Variants in GPC5 observed in about 807,000 individuals in gnomAD.
GPC5 encodes glypican 5.
In GPC5, 47 loss-of-function variants were observed where a neutral mutation model predicts 53.9. The ratio of observed to expected loss-of-function variants is 0.87; its 90% CI spans 0.69 to 1.11. The LOEUF (loss-of-function observed/expected upper bound fraction) is 1.11. Ranked by LOEUF, GPC5 falls within the 50% of genes most tolerant of loss-of-function variation. The pLI is 0.00. For missense variants in GPC5, 748 were observed against 713.1 expected (o/e 1.05, Z -0.56); for synonymous variants, 286 against 263.3 (o/e 1.09, Z -0.84).
chr13:91,595,297 A>G (rs2032955530), intron 2 of GPC5, among the ~76,000 whole-genome samples: 1 of 152,128 alleles, frequency 6.6e-6, no homozygotes, highest in South Asian at 2.1e-4. Flanking sequence ...TACAGGCGTG[A>G]GGCACCGTGC....
At chr13:92,167,392 A>T (rs2042039401) in intron 7 of GPC5, among the ~76,000 whole-genome samples, 1 of 152,206 alleles carries the variant, frequency 6.6e-6, no homozygotes, top group Non-Finnish European at 1.5e-5. Flanking sequence ...AATGATATAA[A>T]ACTTCAGATT....
chr13:91,849,475 T>C (rs1723903799), intron 5 of GPC5, among the ~76,000 whole-genome samples: 1 of 151,292 alleles, frequency 6.6e-6, no homozygotes, highest in African/African-American at 2.4e-5. Context: ...TTTTCATATC[T>C]AGCCAAATTC....
chr13:91,399,220 A>G lies in GPC5; in HGVS notation c.163+11A>G, dbSNP rs776463356. 2 of 1,610,158 alleles carry G rather than the reference A, an allele frequency of 1.2e-6. No individual in the cohort carries two copies. Among genetic ancestry groups the G allele is most frequent in the Non-Finnish European group, 1.7e-6 (2 of 1,178,992 alleles). ...ATTCGCCGCGGGCAGGTAAGGGGCA[A>G]TGAGGGGGTCTCTGGACTGGCGGCG... On this transcript the variant is annotated intron_variant, in intron 1 of 7. Transcript: ENST00000377067.
chr13:91,725,627 G>A (rs978608636), intron 3 of GPC5, among the ~76,000 whole-genome samples: 7 of 152,120 alleles, frequency 4.6e-5, no homozygotes, highest in Non-Finnish European at 7.3e-5. Context: ...TATGGCTAGA[G>A]CATTTTCTTT....
intron 4 of GPC5, among the ~76,000 whole-genome samples, chr13:91,747,171 T>C (rs186764475): frequency 2.7e-4 from 41 of 152,350 alleles, no homozygotes; most frequent in Non-Finnish European, 5.0e-4. Context: ...TAAACATGAT[T>C]AAAGTCAATT....
chr13:92,629,805 A>C (rs1052606694), intron 7 of GPC5, among the ~76,000 whole-genome samples: 3 of 152,166 alleles, frequency 2.0e-5, no homozygotes, highest in African/African-American at 7.2e-5. Flanking sequence ...AGTACAAAAA[A>C]AAATCAATAG....
intron 5 of GPC5, among the ~76,000 whole-genome samples, chr13:91,815,950 A>C (rs79242415): frequency 4.6e-5 from 7 of 152,034 alleles, no homozygotes; most frequent in Non-Finnish European, 8.8e-5. Context: ...AATACTGTAC[A>C]TGTTGATATA....
rs189823700 is a variant in GPC5, at chr13:91,780,922, A to G, written c.1280+24502A>G. Among the ~76,000 whole-genome samples, 848 of 152,334 alleles carry G rather than the reference A, an allele frequency of 5.6e-3. 8 individuals are homozygous for G. Among genetic ancestry groups the G allele is most frequent in the South Asian group, 0.015 (74 of 4,828 alleles). ...GTTCACATGTAGCCCCCCACTCCCT[A>G]TAATCTACTATTCCCACATTTAAAG... On this transcript the variant is annotated intron_variant, in intron 5 of 7. Coordinates refer to ENST00000377067, the MANE Select transcript of GPC5 (RefSeq NM_004466.6).
intron 2 of GPC5, among the ~76,000 whole-genome samples, chr13:91,674,378 T>TATATATATATATACACACACAC (rs1459406975): frequency 5.6e-5 from 8 of 142,338 alleles, no homozygotes; most frequent in African/African-American, 2.3e-4. Context: ...ACTAACTCAT[T>TATATATATATATACACACACAC]ATATATATAT....
chr13:91,906,687 C>A (rs1014081505), intron 5 of GPC5, among the ~76,000 whole-genome samples: 1 of 151,976 alleles, frequency 6.6e-6, no homozygotes, highest in East Asian at 1.9e-4. Flanking sequence ...ATATAGCATG[C>A]ATTTAAGACA....
intron 7 of GPC5, among the ~76,000 whole-genome samples, chr13:92,310,428 A>G (rs932818554): frequency 6.6e-6 from 1 of 152,148 alleles, no homozygotes; most frequent in Non-Finnish European, 1.5e-5. Context: ...ATCCACCAAT[A>G]CTGCAACATA....
chr13:91,671,892 G>C (rs1386606663), intron 2 of GPC5, among the ~76,000 whole-genome samples: 1 of 145,592 alleles, frequency 6.9e-6, no homozygotes, highest in African/African-American at 2.6e-5. Flanking sequence ...TATCAAAACA[G>C]ACATAGAGAC....
intron 2 of GPC5, among the ~76,000 whole-genome samples, chr13:91,488,949 T>C (rs538996282): frequency 1.3e-5 from 2 of 152,296 alleles, no homozygotes; most frequent in South Asian, 4.1e-4. Flanking sequence ...GGGGCGGCTG[T>C]CTTTTATGGT....
At chr13:91,572,179 ACG>A (rs1491446489) in intron 2 of GPC5, among the ~76,000 whole-genome samples, 16 of 60,648 alleles carry the variant, frequency 2.6e-4, no homozygotes, top group African/African-American at 5.0e-4. Context: ...ATGTATATAT[ACG>A]TGTGTATACA....
intron 7 of GPC5, among the ~76,000 whole-genome samples, chr13:92,224,239 T>C (rs1398041293): frequency 1.3e-5 from 2 of 152,190 alleles, no homozygotes; most frequent in African/African-American, 4.8e-5. Flanking sequence ...GGTAATGTTA[T>C]TGTTGAACCA....
intron 7 of GPC5, among the ~76,000 whole-genome samples, chr13:92,389,499 T>C (rs1223943829): frequency 1.3e-5 from 2 of 152,150 alleles, no homozygotes; most frequent in African/African-American, 4.8e-5. Context: ...AGAAACATTC[T>C]AGCTCTCTTT....
In GPC5 at chr13:92,201,363, C is replaced by A. The variant is rs759837797; in HGVS notation, c.1561+56374C>A. On this transcript the variant is annotated intron_variant, in intron 7 of 7. Coordinates refer to ENST00000377067, the MANE Select transcript of GPC5 (RefSeq NM_004466.6). ...TGTTGGCCGAGGAGCAGCCATGGCA[C>A]ATTGTCACTTCAATTGATGTGCATG... is the stretch of plus-strand genomic sequence containing the variant. Among the ~76,000 whole-genome samples the A allele has an allele frequency of 5.7e-4, 87 of 152,292 alleles. 1 individual carries two copies. Among genetic ancestry groups the A allele is most frequent in the African/African-American group, 2.0e-3 (84 of 41,558 alleles).
At chr13:91,527,643 C>T (rs1396575325) in intron 2 of GPC5, among the ~76,000 whole-genome samples, 2 of 152,252 alleles carry the variant, frequency 1.3e-5, no homozygotes, top group African/African-American at 4.8e-5. Flanking sequence ...TGTAGGGTCT[C>T]CAACCCCACA....
intron 7 of GPC5, among the ~76,000 whole-genome samples, chr13:92,621,818 C>A (rs1884879824): frequency 6.6e-6 from 1 of 152,082 alleles, no homozygotes; most frequent in Non-Finnish European, 1.5e-5. Context: ...GACCCTGTCA[C>A]TAAATAAATA....
Sources: gnomAD v4.1 joint callset for allele counts (sites outside exome capture counted in the v4.1 genomes callset) on GRCh38, gnomAD v4.1.1 for gene constraint, MANE v1.5 for transcripts, NCBI Gene and HGNC (gene_info 2026-07-23, HGNC 2026-07-21) for gene names.